RESP18: variants seen among roughly 807,000 people sequenced by gnomAD.
RESP18 encodes the protein regulated endocrine-specific protein 18.
A neutral mutation model predicts 30.0 loss-of-function variants in RESP18; 30 were observed. The observed-to-expected ratio is 1.00, with a 90% CI of 0.75 to 1.36. The LOEUF is 1.36. RESP18 is among the 40% of genes most tolerant of loss of function. The probability of loss-of-function intolerance (pLI) is 0.00; values close to 1 mark genes in which losing one functional copy is unlikely to be tolerated. For missense variants in RESP18, 320 were observed against 284.2 expected (o/e 1.13, Z -0.91); for synonymous variants, 117 against 111.2 (o/e 1.05, Z -0.33).
In RESP18 at chr2:219,327,525, A is replaced by C. The variant is rs1305600798; in HGVS notation, c.679T>G (p.Cys227Gly). 4.5e-6 allele frequency: 7 copies of C among 1,551,490 alleles called. No homozygotes were observed. Among genetic ancestry groups the C allele is most frequent in the Admixed American group, 2.0e-5 (1 of 50,986 alleles). The change falls in exon 7 of 7, where the codon TGT becomes GGT. Residue 227 changes from cysteine (C) to glycine (G), a missense_variant. By Grantham distance (159) the Cys-to-Gly change is radical (BLOSUM62 -3). Transcript: ENST00000333527. ...TTCACATGAGGTCTCAATCAGCCAC[A>C]GGGTTGCGGCCCACAGTAGGAAGTG...
In RESP18 at chr2:219,330,811, G is replaced by A; in HGVS notation, c.297C>T (p.Phe99=). The A allele has an allele frequency of 6.4e-7, 1 of 1,551,466 alleles. No individual in the cohort carries two copies. ...GCTGGAGCACAACCTGTAAATGCTG[G>A]AAGACTGGGGTGGCAAATCCTTGGA... Residue 99 remains phenylalanine, a synonymous_variant, in exon 3 of 7, where the codon TTC becomes TTT. Coordinates refer to ENST00000333527, the MANE Select transcript of RESP18 (RefSeq NM_001007089.4).
intron 2 of RESP18, 70 bp from the exon 2 acceptor site, chr2:219,330,945 A>C (rs1952824479): frequency 1.1e-6 from 1 of 904,248 alleles, no homozygotes; most frequent in South Asian, 1.4e-5. Flanking sequence ...GAAGAGAAGC[A>C]GCTTCCTTGT....
At chr2:219,328,489 A>G (rs1450266651) in intron 6 of RESP18, among the ~76,000 whole-genome samples, 1 of 152,154 alleles carries the variant, frequency 6.6e-6, no homozygotes, top group African/African-American at 2.4e-5. Flanking sequence ...GATGTTTGGA[A>G]TGGCCAAATC....
Position 219,332,405 on chromosome 2 carries a change from C to A in RESP18, c.232+119G>T, listed in dbSNP as rs73081129. ...GACGCTGTCTACCTTTTTCTCTTCT[C>A]ACGTCCTTAAGCACATTCTTTTACT... On this transcript the variant is annotated intron_variant, in intron 2 of 6. Transcript: ENST00000333527. 8.2e-6 allele frequency: 6 copies of A among 732,342 alleles called. No homozygotes were observed. The African/African-American group carries it at 1.1e-4, about 13-fold the overall frequency. 45.4% of individuals were successfully genotyped at this position (732,342 alleles called of 1,614,324 possible).
chr2:219,332,487 C>A, intron 2 of RESP18, 37 bp downstream of exon 1: 1 of 1,506,106 alleles, frequency 6.6e-7, no homozygotes, highest in East Asian at 2.5e-5. Flanking sequence ...GGATCGCTTT[C>A]TTGGCCCTGC....
At position 219,332,547 on chromosome 2, in the gene RESP18, C is replaced by T; in HGVS notation, c.209G>A (p.Gly70Asp). 1 of 1,550,968 alleles carries T rather than the reference C, an allele frequency of 6.4e-7. No homozygotes were observed. The highest frequency in any genetic ancestry group is 8.7e-7 in the Non-Finnish European group (1 of 1,146,802). The change falls in exon 2 of 7, where the codon GGC (glycine) becomes GAC (aspartate). Residue 70 changes from glycine to aspartate, a missense_variant. Gly to Asp is a moderately conservative substitution (Grantham distance 94). Coordinates refer to ENST00000333527, the MANE Select transcript of RESP18 (RefSeq NM_001007089.4). ...ACCGTGGGCACTAGTGTCGCTGCAG[C>T]CCCCCGGGCAGCTGTTCAGCAGCAG...
In RESP18 at chr2:219,329,720, T is replaced by C; in HGVS notation, c.382A>G (p.Lys128Glu). ...TGCAGTCTGCTGGCATGCTCCATCTTTTGGATCATTGCATCCTGGGTGATG... is the reference window on the plus strand; with the variant it reads ...TGCAGTCTGCTGGCATGCTCCATCTCTTGGATCATTGCATCCTGGGTGATG... Residue 128 changes from lysine (K) to glutamate (E), a missense_variant, in exon 4 of 7, where the codon AAG becomes GAG. By Grantham distance (56) the Lys-to-Glu change is moderately conservative (BLOSUM62 1). Coordinates refer to ENST00000333527, the MANE Select transcript of RESP18 (RefSeq NM_001007089.4). 1 of 1,551,576 alleles carries C rather than the reference T, an allele frequency of 6.4e-7. No individual in the cohort carries two copies. Among genetic ancestry groups the C allele is most frequent in the Non-Finnish European group, 8.7e-7 (1 of 1,146,946 alleles).
At chr2:219,331,170 T>C (rs1410943828) in intron 2 of RESP18, 3 of 275,704 alleles carry the variant, frequency 1.1e-5, no homozygotes, top group South Asian at 5.7e-5. Flanking sequence ...GCTGAGCACA[T>C]GGGAATAGTA....
At chr2:219,329,122 T>G in intron 5 of RESP18, 41 bp downstream of exon 4, 1 of 1,529,728 alleles carries the variant, frequency 6.5e-7, no homozygotes, top group South Asian at 1.2e-5. Context: ...CCTCCCTCAT[T>G]TAAACAGGTC....
rs1361559950 is a variant in RESP18 at position 219,327,480 on chromosome 2, G to A, written c.*37C>T. 1.9e-6 allele frequency: 3 copies of A among 1,542,570 alleles called. No individual in the cohort carries two copies. Among genetic ancestry groups the A allele is most frequent in the Admixed American group, 3.9e-5 (2 of 50,970 alleles). Reference sequence around the variant, plus strand: ...CTGCTCCTCTGAAGGGCAATGGGAAGGGTGCTGGGGCAGGGAGGCTTCACA... The same window carrying A: ...CTGCTCCTCTGAAGGGCAATGGGAAAGGTGCTGGGGCAGGGAGGCTTCACA... On this transcript the variant is annotated 3_prime_UTR_variant, in exon 7 of 7. Transcript: ENST00000333527.
At chr2:219,331,198 G>A (rs1952827326) in intron 2 of RESP18, 1 of 209,446 alleles carries the variant, frequency 4.8e-6, no homozygotes, top group Non-Finnish European at 9.5e-6. Context: ...GGGTAGGTGG[G>A]GCATGGGGAA....
Position 219,329,020 on chromosome 2 carries a change from A to G in RESP18, c.556-12T>C. 1 of 1,543,394 alleles carries G rather than the reference A, an allele frequency of 6.5e-7. No individual in the cohort carries two copies. Reference sequence around the variant, plus strand: ...CACCTATAGGTAATCTGAGAGATACAGGAAATTAGAAGTACCTTTGATTAG... The same window carrying G: ...CACCTATAGGTAATCTGAGAGATACGGGAAATTAGAAGTACCTTTGATTAG... On this transcript the variant is annotated splice_polypyrimidine_tract_variant and intron_variant, in intron 5 of 6. Coordinates refer to ENST00000333527, the MANE Select transcript of RESP18 (RefSeq NM_001007089.4).
rs1559316796 is a variant in RESP18, at chr2:219,332,760, T to C, written c.18-22A>G. On this transcript the variant is annotated intron_variant, in intron 1 of 6. Coordinates refer to ENST00000333527, the MANE Select transcript of RESP18 (RefSeq NM_001007089.4). ...GAATCTGTTTAACCCTCCTCGGCAGTTCAGCCAATCGTGAGCGGGCCCTGC... is the reference window on the plus strand; with the variant it reads ...GAATCTGTTTAACCCTCCTCGGCAGCTCAGCCAATCGTGAGCGGGCCCTGC... 6.6e-7 allele frequency: 1 copy of C among 1,515,586 alleles called. No individual in the cohort carries two copies. The highest frequency in any genetic ancestry group is 1.4e-5 in the African/African-American group (1 of 72,446). The allele number at this position is 1,515,586 out of a possible 1,614,324, so 93.9% of individuals were successfully genotyped here.
chr2:219,329,384 G>C (rs1299319476), intron 4 of RESP18, 132 bp from the exon 4 acceptor site: 1 of 1,551,454 alleles, frequency 6.4e-7, no homozygotes, highest in Non-Finnish European at 8.7e-7. Flanking sequence ...TGGGGAATAG[G>C]AGTTGAAGTT....
Position 219,329,617 on chromosome 2 carries a change from A to G in RESP18, c.465+20T>C, listed in dbSNP as rs1262199879. ...GTCTGCCAGAATGCTTGGAATGACC[A>G]CAGGCCTCATGCACCTCACCTCAGT... On this transcript the variant is annotated intron_variant, in intron 4 of 6. Coordinates refer to ENST00000333527, the MANE Select transcript of RESP18 (RefSeq NM_001007089.4). 5.2e-6 allele frequency: 8 copies of G among 1,551,152 alleles called. No individual in the cohort carries two copies. Among genetic ancestry groups the G allele is most frequent in the Non-Finnish European group, 7.0e-6 (8 of 1,146,854 alleles).
chr2:219,327,542 T>A lies in RESP18; in HGVS notation c.662A>T (p.Tyr221Phe). The change falls in exon 7 of 7, where the codon TAC (tyrosine) becomes TTC (phenylalanine). Residue 221 changes from tyrosine (Y) to phenylalanine (F), a missense_variant. Coordinates refer to ENST00000333527, the MANE Select transcript of RESP18 (RefSeq NM_001007089.4). ...TCAGCCACAGGGTTGCGGCCCACAGTAGGAAGTGGCCCAGAGAAGCCCTAA... is the reference window on the plus strand; with the variant it reads ...TCAGCCACAGGGTTGCGGCCCACAGAAGGAAGTGGCCCAGAGAAGCCCTAA... 1 of 1,551,554 alleles carries A rather than the reference T, an allele frequency of 6.4e-7. No homozygotes were observed. Among genetic ancestry groups the A allele is most frequent in the Non-Finnish European group, 8.7e-7 (1 of 1,146,944 alleles).
intron 1 of RESP18, chr2:219,333,114 TAATATTATATATTATA>T (rs1456309052): frequency 2.5e-6 from 2 of 812,582 alleles, no homozygotes; most frequent in African/African-American, 5.8e-5. Context: ...TATATATATA[TAATATTATATATTATA>T]TATTATATAT....
chr2:219,332,351 C>T (rs1259345245), intron 2 of RESP18, among the ~76,000 whole-genome samples, 173 bp downstream of exon 1: 2 of 152,224 alleles, frequency 1.3e-5, no homozygotes. Flanking sequence ...TATGCCCAGC[C>T]TATCTGAAGC....
chr2:219,331,668 C>G (rs1332718966), intron 2 of RESP18, among the ~76,000 whole-genome samples: 1 of 151,964 alleles, frequency 6.6e-6, no homozygotes, highest in Non-Finnish European at 1.5e-5. Flanking sequence ...AGCTGATTCT[C>G]TGAGGCAGCG....
Sources: allele counts gnomAD v4.1 joint callset (sites outside exome capture counted in the v4.1 genomes callset), GRCh38; gene constraint gnomAD v4.1.1; transcripts MANE v1.5; gene names NCBI Gene and HGNC (gene_info 2026-07-23, HGNC 2026-07-21).